Variants in SYNRG observed in about 807,000 individuals in gnomAD.
SYNRG encodes the protein AP1 gamma subunit binding protein 1.
Under a neutral mutation model 130.9 loss-of-function variants are expected in SYNRG, and 37 were observed. The ratio of observed to expected loss-of-function variants is 0.28; its 90% CI spans 0.22 to 0.37. The LOEUF (loss-of-function observed/expected upper bound fraction) is 0.37. Among genes scored for constraint, SYNRG ranks in the 10% least tolerant of loss-of-function variants. The probability of loss-of-function intolerance (pLI) is 1.00; values close to 1 mark genes in which losing one functional copy is unlikely to be tolerated. For missense variants in SYNRG, 1,338 were observed against 1,588.9 expected, an observed-to-expected ratio of 0.84 and a Z score of 2.68; for synonymous variants, 539 against 568.1, an observed-to-expected ratio of 0.95 and a Z score of 0.73.
intron 3 of SYNRG, among the ~76,000 whole-genome samples, chr17:37,587,243 C>T (rs952165537): frequency 6.6e-6 from 1 of 152,182 alleles, no homozygotes. Context: ...AACTCTTGGG[C>T]TCAAGAGATC....
intron 6 of SYNRG, among the ~76,000 whole-genome samples, chr17:37,582,166 C>CTT (rs987727212): frequency 1.3e-5 from 2 of 151,910 alleles, no homozygotes; most frequent in Non-Finnish European, 2.9e-5. Flanking sequence ...CAGGAGTAGT[C>CTT]TTTTTTTTAA....
In SYNRG at chr17:37,540,555, G is replaced by C. The variant is rs762642223; in HGVS notation, c.3203-12C>G. The C allele has an allele frequency of 3.1e-6, 5 of 1,612,756 alleles. No individual in the cohort carries two copies. Among genetic ancestry groups the C allele is most frequent in the South Asian group, 1.1e-5 (1 of 90,992 alleles). ...CCTCTTGTGTGATCCTGGGAGAAGG[G>C]GATAATACAGTCAAAGGTTTTGGCT... is the stretch of plus-strand genomic sequence containing the variant. On this transcript the variant is annotated splice_polypyrimidine_tract_variant and intron_variant, in intron 15 of 21. Coordinates refer to ENST00000612223, the MANE Select transcript of SYNRG (RefSeq NM_007247.6).
chr17:37,577,177 T>C (rs879710553), intron 7 of SYNRG, among the ~76,000 whole-genome samples: 1 of 152,192 alleles, frequency 6.6e-6, no homozygotes, highest in Non-Finnish European at 1.5e-5. Flanking sequence ...AAATCATTTT[T>C]AAAAAGGAGT....
At chr17:37,569,037 T>C (rs1319166185) in intron 10 of SYNRG, 113 bp from the exon 11 acceptor site, 1 of 1,098,112 alleles carries the variant, frequency 9.1e-7, no homozygotes, top group East Asian at 2.4e-5. Context: ...TTAGATACAT[T>C]AACTCAAGTG....
intron 1 of SYNRG, chr17:37,606,000 G>A (rs2063713919): frequency 1.0e-6 from 1 of 985,180 alleles, no homozygotes; most frequent in African/African-American, 1.7e-5. Flanking sequence ...TCTAAATGAT[G>A]GACCATTACG....
intron 3 of SYNRG, among the ~76,000 whole-genome samples, chr17:37,595,473 C>A (rs893478634): frequency 6.6e-6 from 1 of 152,020 alleles, no homozygotes; most frequent in Non-Finnish European, 1.5e-5. Context: ...AAGACAGGCT[C>A]GACAGACATT....
intron 3 of SYNRG, among the ~76,000 whole-genome samples, chr17:37,588,403 C>T (rs928890688): frequency 2.0e-5 from 3 of 151,962 alleles, no homozygotes. Flanking sequence ...GCTGAGACTA[C>T]AGGCATGTGC....
In SYNRG at chr17:37,529,240, C is replaced by T. The variant is rs1297976896; in HGVS notation, c.3666+6739G>A. Among the ~76,000 whole-genome samples the T allele has an allele frequency of 1.3e-5, 2 of 152,186 alleles. 1 individual carries two copies. Among genetic ancestry groups the T allele is most frequent in the South Asian group, 4.1e-4 (2 of 4,834 alleles). Reference sequence around the variant, plus strand: ...GCCACCGTATGTGAACAGGGCAACGCTCCAGGTTAGATGGGCCCCAAACCC... The same window carrying T: ...GCCACCGTATGTGAACAGGGCAACGTTCCAGGTTAGATGGGCCCCAAACCC... On this transcript the variant is annotated intron_variant, in intron 19 of 21. Coordinates refer to ENST00000612223, the MANE Select transcript of SYNRG (RefSeq NM_007247.6).
intron 15 of SYNRG, 155 bp from the exon 16 acceptor site, chr17:37,540,698 G>A (rs1278703623): frequency 1.1e-6 from 1 of 880,902 alleles, no homozygotes; most frequent in Non-Finnish European, 1.6e-6. Context: ...ACGGTGGTGT[G>A]ATCTCGGCTC....
At chr17:37,528,515 G>A (rs2056228131) in intron 19 of SYNRG, among the ~76,000 whole-genome samples, 1 of 152,136 alleles carries the variant, frequency 6.6e-6, no homozygotes, top group African/African-American at 2.4e-5. Context: ...GCCTCACTGT[G>A]GCAATATAGT....
At chr17:37,574,142 C>T (rs2146103377) in intron 8 of SYNRG, among the ~76,000 whole-genome samples, 1 of 152,090 alleles carries the variant, frequency 6.6e-6, no homozygotes, top group South Asian at 2.1e-4. Flanking sequence ...CAGAAAGGTG[C>T]CAAGAACATA....
At chr17:37,568,556 A>G (rs2060171364) in intron 11 of SYNRG, 3 of 407,606 alleles carry the variant, frequency 7.4e-6, no homozygotes, top group Admixed American at 7.9e-5. Context: ...CACAGGTAAA[A>G]AAGAATATTG....
rs4447475 is a variant in SYNRG at position 37,608,340 on chromosome 17, A to G, written c.77+939T>C. 5.4e-3 allele frequency among the ~76,000 whole-genome samples: 822 copies of G among 152,352 alleles called. 6 individuals are homozygous for G. The highest frequency in any genetic ancestry group is 0.019 in the African/African-American group (782 of 41,574). ...CTTCGTTTTCCAAAGACAATTTAGG[A>G]TACTGAAGATGCAAAGCTACTTTTA... On this transcript the variant is annotated intron_variant, in intron 1 of 21. Coordinates refer to ENST00000612223, the MANE Select transcript of SYNRG (RefSeq NM_007247.6).
At position 37,560,338 on chromosome 17, in the gene SYNRG, A is replaced by ATT. The variant is rs879738491; in HGVS notation, c.1663+855_1663+856dup. Among the ~76,000 whole-genome samples, 50 of 136,760 alleles carry ATT rather than the reference A, an allele frequency of 3.7e-4. 1 individual carries two copies. The highest frequency in any genetic ancestry group is 1.1e-3 in the African/African-American group (40 of 36,712). The allele number at this position is 136,760 out of a possible 152,430, so 89.7% of individuals were successfully genotyped here. On this transcript the variant is annotated intron_variant, in intron 13 of 21. Transcript: ENST00000612223. ...GATAATCCCCCATTCAGCACCTATC[A>ATT]TTTTTTTTTTTTTTTGAGATGGAAT...
At chr17:37,560,427 C>T (rs2059438181) in intron 13 of SYNRG, among the ~76,000 whole-genome samples, 1 of 150,734 alleles carries the variant, frequency 6.6e-6, no homozygotes, top group East Asian at 2.0e-4. Context: ...CCTCTGCCTC[C>T]CTGAGTTCAA....
In SYNRG at chr17:37,519,207, C is replaced by T. The variant is rs1386504779; in HGVS notation, c.3814-136G>A. Reference sequence around the variant, plus strand: ...AAATGGCACACACATAAAAGCTGAGCGGATAGCTACAGGAATTCAAGAGAG... The same window carrying T: ...AAATGGCACACACATAAAAGCTGAGTGGATAGCTACAGGAATTCAAGAGAG... On this transcript the variant is annotated intron_variant, in intron 21 of 21. Transcript: ENST00000612223. The T allele has an allele frequency of 4.4e-6, 5 of 1,145,818 alleles. No individual in the cohort carries two copies. The African/African-American group carries it at 4.7e-5, about 11-fold the overall frequency. The allele number at this position is 1,145,818 out of a possible 1,614,324, so 71.0% of individuals were successfully genotyped here. A position where few individuals can be genotyped will look rare whatever the true frequency, so the allele number is the denominator to read the frequency against.
chr17:37,544,190 A>G (rs8064499), intron 14 of SYNRG, among the ~76,000 whole-genome samples: 1 of 152,170 alleles, frequency 6.6e-6, no homozygotes, highest in Admixed American at 6.5e-5. Context: ...AAAACCAACC[A>G]GCAAAAAGCA....
At position 37,518,756 on chromosome 17, in the gene SYNRG, G is replaced by A; in HGVS notation, c.*184C>T. The A allele has an allele frequency of 1.5e-6, 1 of 665,006 alleles. No homozygotes were observed. The highest frequency in any genetic ancestry group is 2.4e-6 in the Non-Finnish European group (1 of 414,394). The allele number at this position is 665,006 out of a possible 1,614,324, so 41.2% of individuals were successfully genotyped here. The stretch of plus-strand genomic sequence containing the variant: ...TTCTGGTGCCACGTGCAGTTTGGGT[G>A]GGACAATTTTACCTGAAGTCCTGCA... On this transcript the variant is annotated 3_prime_UTR_variant, in exon 22 of 22. Transcript: ENST00000612223.
At chr17:37,519,334 T>C (rs1206366954) in intron 21 of SYNRG, among the ~76,000 whole-genome samples, 2 of 151,970 alleles carry the variant, frequency 1.3e-5, no homozygotes, top group African/African-American at 4.8e-5. Context: ...ACAGAGGTTA[T>C]GGGGTGGAGG....
Sources: allele counts gnomAD v4.1 joint callset (sites outside exome capture counted in the v4.1 genomes callset), GRCh38; gene constraint gnomAD v4.1.1; transcripts MANE v1.5; gene names NCBI Gene and HGNC (gene_info 2026-07-23, HGNC 2026-07-21).